The following RNF175 variants were observed in gnomAD, a reference collection of about 807,000 sequenced individuals.
RNF175 encodes the protein ring finger protein 175.
Under a neutral mutation model 50.0 loss-of-function variants are expected in RNF175, and 38 were observed. The observed-to-expected ratio is 0.76, with a 90% confidence interval of 0.59 to 1.00. The LOEUF is 1.00. Ranked by LOEUF, RNF175 falls within the 50% of genes least tolerant of loss-of-function variation. The probability of loss-of-function intolerance (pLI) is 0.00; values close to 1 mark genes in which losing one functional copy is unlikely to be tolerated. For missense variants in RNF175, 388 were observed against 409.6 expected (o/e 0.95, Z 0.46); for synonymous variants, 155 against 146.1 (o/e 1.06, Z -0.44).
At chr4:153,721,284 T>C (rs1201885701) in intron 5 of RNF175, 1 of 152,204 alleles carries the variant, frequency 6.6e-6, no homozygotes, top group East Asian at 1.9e-4. Flanking sequence ...ATATCAGTGG[T>C]GACCCTTGGT....
At chr4:153,746,953 TG>T (rs1201775901) in intron 3 of RNF175, among the ~76,000 whole-genome samples, 1 of 152,242 alleles carries the variant, frequency 6.6e-6, no homozygotes, top group Admixed American at 6.5e-5. Flanking sequence ...CTGGGCTCCC[TG>T]GAGCCACAGC....
chr4:153,716,849 G>A (rs1737964035), intron 6 of RNF175, among the ~76,000 whole-genome samples: 1 of 152,070 alleles, frequency 6.6e-6, no homozygotes, highest in Admixed American at 6.5e-5. Context: ...GATTGGCTGA[G>A]GTCTATGTAG....
chr4:153,725,048 G>T (rs1246631177), intron 4 of RNF175, among the ~76,000 whole-genome samples: 1 of 121,918 alleles, frequency 8.2e-6, no homozygotes, highest in Non-Finnish European at 1.8e-5. Flanking sequence ...AGGCTGCGTG[G>T]GGGAGCGGGC....
At chr4:153,750,456 T>C (rs1740225489) in intron 2 of RNF175, among the ~76,000 whole-genome samples, 1 of 152,186 alleles carries the variant, frequency 6.6e-6, no homozygotes, top group Admixed American at 6.5e-5. Flanking sequence ...CAGTAAATAC[T>C]GCTCAAGTTC....
chr4:153,718,898 T>C (rs1362010370), intron 6 of RNF175, among the ~76,000 whole-genome samples: 1 of 152,136 alleles, frequency 6.6e-6, no homozygotes, highest in Non-Finnish European at 1.5e-5. Flanking sequence ...GCTCCAGAAA[T>C]GGAGGGAGCA....
At chr4:153,719,390 A>C (rs1359421984) in intron 6 of RNF175, among the ~76,000 whole-genome samples, 1 of 151,992 alleles carries the variant, frequency 6.6e-6, no homozygotes, top group East Asian at 1.9e-4. Context: ...CTTTACACTG[A>C]TTTTTCTACT....
intron 3 of RNF175, among the ~76,000 whole-genome samples, chr4:153,741,859 T>G (rs1739675932): frequency 1.3e-5 from 2 of 151,986 alleles, no homozygotes. Flanking sequence ...CACATTCGGT[T>G]GGTGCAAAAG....
intron 7 of RNF175, among the ~76,000 whole-genome samples, chr4:153,712,804 T>A (rs1435871722): frequency 6.6e-6 from 1 of 152,074 alleles, no homozygotes; most frequent in Non-Finnish European, 1.5e-5. Flanking sequence ...TTGGCCTTCT[T>A]GCCTCACTTG....
chr4:153,722,550 C>T (rs1039435708), intron 5 of RNF175, among the ~76,000 whole-genome samples: 1 of 147,444 alleles, frequency 6.8e-6, no homozygotes, highest in African/African-American at 2.4e-5. Context: ...AGCAATCCTC[C>T]CACCTCTGCC....
Position 153,718,222 on chromosome 4 carries a change from G to GTTTTT in RNF175, c.630+1961_630+1962insAAAAA, listed in dbSNP as rs1460898288. ...CTTTCCTAAGGAGTTTTTTTTGTTTGTTTGTTTGTTTGTTTGTTTTTTTTT... is the reference window on the plus strand; with the variant it reads ...CTTTCCTAAGGAGTTTTTTTTGTTTGTTTTTTTTGTTTGTTTGTTTGTTTTTTTTT... On this transcript the variant is annotated intron_variant, in intron 6 of 8. Coordinates refer to ENST00000347063, the MANE Select transcript of RNF175 (RefSeq NM_173662.4). Among the ~76,000 whole-genome samples, 115 of 37,518 alleles carry GTTTTT rather than the reference G, an allele frequency of 3.1e-3. 22 individuals carry two copies. Among genetic ancestry groups the GTTTTT allele is most frequent in the Non-Finnish European group, 4.0e-3 (57 of 14,136 alleles). The allele number at this position is 37,518 out of a possible 152,430, so 24.6% of individuals were successfully genotyped here. A position where few individuals can be genotyped will look rare whatever the true frequency, so the allele number is the denominator to read the frequency against.
intron 3 of RNF175, among the ~76,000 whole-genome samples, chr4:153,741,042 T>C (rs1224625632): frequency 6.6e-6 from 1 of 152,222 alleles, no homozygotes; most frequent in Admixed American, 6.5e-5. Context: ...CTTTTGGCTA[T>C]TACGCTGGAC....
chr4:153,735,975 T>A (rs1042529659), intron 3 of RNF175, among the ~76,000 whole-genome samples: 1 of 152,238 alleles, frequency 6.6e-6, no homozygotes, highest in Non-Finnish European at 1.5e-5. Context: ...TTTCCTATCT[T>A]GCTGCACTAG....
At chr4:153,748,407 C>T (rs1252292416) in intron 3 of RNF175, 1 of 411,508 alleles carries the variant, frequency 2.4e-6, no homozygotes, top group East Asian at 4.0e-5. Flanking sequence ...CTCTATCCAC[C>T]AGGTGCCAGT....
chr4:153,723,271 T>C (rs372551966), intron 5 of RNF175, 80 bp downstream of exon 5: 41 of 716,706 alleles, frequency 5.7e-5, no homozygotes, highest in African/African-American at 3.9e-4. Flanking sequence ...GCCAGATGCT[T>C]CTGGATTAAG....
intron 6 of RNF175, among the ~76,000 whole-genome samples, chr4:153,718,209 G>GTTTTTTTTTT (rs1238895381): frequency 1.1e-5 from 1 of 92,590 alleles, no homozygotes; most frequent in African/African-American, 5.0e-5. Context: ...TTCCTAAGGA[G>GTTTTTTTTTT]TTTTTTTTGT....
intron 3 of RNF175, among the ~76,000 whole-genome samples, chr4:153,731,496 T>G (rs2579917): frequency 0.18 from 26,979 of 152,198 alleles, 3,112 homozygotes; most frequent in Non-Finnish European, 0.25. Flanking sequence ...AATTTCCTGA[T>G]GAATCAGATG....
chr4:153,741,191 G>A (rs1285390574), intron 3 of RNF175, among the ~76,000 whole-genome samples: 1 of 152,210 alleles, frequency 6.6e-6, no homozygotes, highest in African/African-American at 2.4e-5. Flanking sequence ...AGGTGACACA[G>A]GAAGGCTAGA....
At chr4:153,758,774 TAA>T (rs879870299) in intron 1 of RNF175, among the ~76,000 whole-genome samples, 11 of 144,328 alleles carry the variant, frequency 7.6e-5, no homozygotes, top group Non-Finnish European at 1.4e-4. Context: ...ATCCCAATAT[TAA>T]AAAAAAAAAA....
chr4:153,715,199 C>A (rs1301729723), intron 7 of RNF175: 3 of 383,684 alleles, frequency 7.8e-6, no homozygotes, highest in Non-Finnish European at 1.5e-5. Flanking sequence ...CAAACCCCTT[C>A]TTTCCCTGAT....
Sources: allele counts gnomAD v4.1 joint callset (sites outside exome capture counted in the v4.1 genomes callset), GRCh38; gene constraint gnomAD v4.1.1; transcripts MANE v1.5; gene names NCBI Gene and HGNC (gene_info 2026-07-23, HGNC 2026-07-21).